The following DLG2 variants were observed in gnomAD, a reference collection of about 807,000 sequenced individuals.
DLG2 encodes the protein discs large MAGUK scaffold protein 2.
In DLG2, 45 loss-of-function variants were observed where a neutral mutation model predicts 132.5. That is an observed-to-expected ratio of 0.34 (90% CI 0.27 to 0.44). DLG2 has a LOEUF of 0.44. DLG2 is among the 20% of genes least tolerant of loss of function. DLG2 has a pLI of 1.00. For synonymous variants in DLG2, 424 were observed against 419.6 expected (o/e 1.01, Z -0.13); for missense variants, 1,045 against 1,196.9 (o/e 0.87, Z 1.87).
intron 8 of DLG2, among the ~76,000 whole-genome samples, chr11:84,220,520 G>A (rs1334081892): frequency 6.6e-6 from 1 of 151,840 alleles, no homozygotes; most frequent in Non-Finnish European, 1.5e-5. Context: ...ATTAAAAGAG[G>A]GATACATAAA....
intron 21 of DLG2, among the ~76,000 whole-genome samples, chr11:83,512,325 G>A (rs1176643592): frequency 2.0e-5 from 3 of 152,110 alleles, no homozygotes; most frequent in East Asian, 1.9e-4. Context: ...AAATACATTC[G>A]AGACGCAGTT....
At chr11:84,854,878 T>C (rs1385760549) in intron 6 of DLG2, among the ~76,000 whole-genome samples, 2 of 152,162 alleles carry the variant, frequency 1.3e-5, no homozygotes, top group Admixed American at 1.3e-4. Context: ...CTATTATATA[T>C]TGGTGCAAAA....
At chr11:85,048,972 T>A (rs576901304) in intron 6 of DLG2, among the ~76,000 whole-genome samples, 1 of 152,088 alleles carries the variant, frequency 6.6e-6, no homozygotes, top group East Asian at 1.9e-4. Context: ...TAAGCTACTT[T>A]GATTAGCATT....
chr11:85,409,423 A>G (rs745488873), intron 3 of DLG2, among the ~76,000 whole-genome samples: 1 of 151,928 alleles, frequency 6.6e-6, no homozygotes, highest in African/African-American at 2.4e-5. Flanking sequence ...AAATGTCTAC[A>G]TCAGGGTAAT....
chr11:85,042,568 T>C (rs1331753952), intron 6 of DLG2, among the ~76,000 whole-genome samples: 2 of 151,920 alleles, frequency 1.3e-5, no homozygotes, highest in Admixed American at 1.3e-4. Flanking sequence ...AGAGTGGAAG[T>C]TGACAAAGGA....
chr11:84,946,409 G>A (rs983453807), intron 6 of DLG2, among the ~76,000 whole-genome samples: 1 of 152,120 alleles, frequency 6.6e-6, no homozygotes, highest in African/African-American at 2.4e-5. Flanking sequence ...AGGCTCAAGA[G>A]CTCATTAGTC....
At chr11:85,600,732 A>C (rs1358977917) in intron 2 of DLG2, among the ~76,000 whole-genome samples, 1 of 152,228 alleles carries the variant, frequency 6.6e-6, no homozygotes, top group African/African-American at 2.4e-5. Context: ...GTTTTTGTGA[A>C]AACCTCACTC....
chr11:83,734,597 C>T (rs765434489), intron 18 of DLG2, among the ~76,000 whole-genome samples: 3 of 152,046 alleles, frequency 2.0e-5, no homozygotes, highest in Non-Finnish European at 4.4e-5. Context: ...ACTACAGGCA[C>T]AGGCTACAAT....
intron 21 of DLG2, among the ~76,000 whole-genome samples, chr11:83,488,001 A>G (rs894427620): frequency 1.3e-5 from 2 of 151,918 alleles, no homozygotes. Context: ...GATTGCAGTG[A>G]TGGTGGCATA....
intron 7 of DLG2, among the ~76,000 whole-genome samples, chr11:84,342,119 C>A (rs139849223): frequency 6.6e-6 from 1 of 151,952 alleles, no homozygotes; most frequent in East Asian, 1.9e-4. Flanking sequence ...AGGCCTGGTG[C>A]GTTTGTGATG....
At chr11:85,343,294 T>C (rs1376833741) in intron 3 of DLG2, among the ~76,000 whole-genome samples, 1 of 152,168 alleles carries the variant, frequency 6.6e-6, no homozygotes, top group African/African-American at 2.4e-5. Context: ...CCCTTCAGTG[T>C]GTCTTACCTT....
intron 3 of DLG2, among the ~76,000 whole-genome samples, chr11:85,464,025 C>T (rs928182151): frequency 1.5e-5 from 2 of 134,712 alleles, no homozygotes; most frequent in African/African-American, 5.6e-5. Context: ...CACACACACG[C>T]CCCCCGAGAG....
At chr11:83,738,787 T>C (rs1271064141) in intron 18 of DLG2, among the ~76,000 whole-genome samples, 2 of 152,152 alleles carry the variant, frequency 1.3e-5, no homozygotes, top group African/African-American at 4.8e-5. Context: ...TCTCCCATCA[T>C]AGCTGCATGA....
At chr11:85,229,836 G>T (rs2152639858) in intron 4 of DLG2, among the ~76,000 whole-genome samples, 1 of 152,160 alleles carries the variant, frequency 6.6e-6, no homozygotes, top group South Asian at 2.1e-4. Flanking sequence ...TATGTCTTTT[G>T]CAGGGACATG....
intron 11 of DLG2, among the ~76,000 whole-genome samples, chr11:84,022,916 A>G (rs1018602273): frequency 6.6e-6 from 1 of 152,180 alleles, no homozygotes; most frequent in Non-Finnish European, 1.5e-5. Context: ...AGGGGAAACA[A>G]TGATGTAGTA....
At chr11:83,743,429 A>ATTTTCTTT (rs374206299) in intron 18 of DLG2, among the ~76,000 whole-genome samples, 1 of 103,836 alleles carries the variant, frequency 9.6e-6, no homozygotes, top group African/African-American at 5.8e-5. Flanking sequence ...TGGGCAGGCC[A>ATTTTCTTT]TTTTTTTTTT....
chr11:84,534,657 T>C lies in DLG2; in HGVS notation c.432A>G (p.Pro144=). 6.2e-7 allele frequency: 1 copy of C among 1,614,110 alleles called. No homozygotes were observed. Among genetic ancestry groups the C allele is most frequent in the Non-Finnish European group, 8.5e-7 (1 of 1,179,938 alleles). ...TCTTTTCTGATACATGCACGAGTTC[T>C]GGGCCTCTTACTTCGTGGGTTAGTC... ...LPRLTHEVRG[P]ELVHVSEKNL... is the part of the protein sequence containing the mutation. The change falls in exon 7 of 28, where the codon CCA becomes CCG. Residue 144 remains proline, a synonymous_variant. Coordinates refer to ENST00000376104, the MANE Select transcript of DLG2 (RefSeq NM_001142699.3).
At chr11:85,287,581 G>A (rs1250060614) in intron 3 of DLG2, among the ~76,000 whole-genome samples, 2 of 151,984 alleles carry the variant, frequency 1.3e-5, no homozygotes, top group Non-Finnish European at 2.9e-5. Flanking sequence ...AATTGCTATA[G>A]CCACTTCAGA....
intron 15 of DLG2, among the ~76,000 whole-genome samples, chr11:83,888,081 T>C (rs576740936): frequency 1.0e-3 from 155 of 148,126 alleles, no homozygotes; most frequent in African/African-American, 3.7e-3. Flanking sequence ...TTCAACACAG[T>C]GTTGGAAGTT....
Sources: gnomAD v4.1 joint callset for allele counts (sites outside exome capture counted in the v4.1 genomes callset) on GRCh38, gnomAD v4.1.1 for gene constraint, MANE v1.5 for transcripts, NCBI Gene and HGNC (gene_info 2026-07-23, HGNC 2026-07-21) for gene names.